EBF4: variants seen among roughly 807,000 people sequenced by gnomAD.
EBF4 encodes EBF transcription factor 4, also known as transcription factor COE4.
In EBF4, 34 loss-of-function variants were observed where a neutral mutation model predicts 67.1. That is an observed-to-expected ratio of 0.51 (90% CI 0.39 to 0.67). EBF4 has a LOEUF of 0.67. Among genes scored for constraint, EBF4 ranks in the 30% least tolerant of loss-of-function variants. The probability of loss-of-function intolerance (pLI) is 0.00; values close to 1 mark genes in which losing one functional copy is unlikely to be tolerated. For missense variants in EBF4, 837 were observed against 873.3 expected (o/e 0.96, Z 0.52); for synonymous variants, 387 against 377.7 (o/e 1.02, Z -0.29).
chr20:2,736,710 A>G (rs917948215), intron 6 of EBF4, among the ~76,000 whole-genome samples: 1 of 151,230 alleles, frequency 6.6e-6, no homozygotes, highest in Non-Finnish European at 1.5e-5. Context: ...ATTCCCCCCA[A>G]CCCCCACCAC....
chr20:2,729,794 A>G (rs898352194), intron 6 of EBF4, among the ~76,000 whole-genome samples: 2 of 152,334 alleles, frequency 1.3e-5, no homozygotes, highest in East Asian at 1.9e-4. Context: ...GTTACTATCT[A>G]TAGAGATTGT....
intron 6 of EBF4, among the ~76,000 whole-genome samples, chr20:2,715,907 C>T (rs2087602354): frequency 6.6e-6 from 1 of 152,082 alleles, no homozygotes; most frequent in African/African-American, 2.4e-5. Flanking sequence ...CGCCATCACA[C>T]CCTGTTAATT....
intron 5 of EBF4, 30 bp downstream of exon 5, chr20:2,708,050 C>T (rs1011048546): frequency 1.3e-6 from 2 of 1,586,968 alleles, no homozygotes; most frequent in Non-Finnish European, 1.7e-6. Context: ...CACACCTCAC[C>T]CCTCTGCCAA....
intron 14 of EBF4, among the ~76,000 whole-genome samples, chr20:2,754,887 T>C (rs1224628079): frequency 6.6e-6 from 1 of 151,586 alleles, no homozygotes; most frequent in Non-Finnish European, 1.5e-5. Flanking sequence ...GCTAGGGAGT[T>C]TGAGAGCAGG....
rs143207580 is a variant in EBF4 at position 2,735,470 on chromosome 20, T to C, written c.558-13079T>C. Among the ~76,000 whole-genome samples, 855 of 152,294 alleles carry C rather than the reference T, an allele frequency of 5.6e-3. 8 individuals are homozygous for C. The highest frequency in any genetic ancestry group is 0.019 in the African/African-American group (795 of 41,570). ...AATGTTCCTTGAGTTGTTGCACACA[T>C]GTTGTTAATTTTTAGAGTTCTGAGA... On this transcript the variant is annotated intron_variant, in intron 6 of 16. Coordinates refer to ENST00000609451, the Ensembl canonical transcript of EBF4.
chr20:2,740,084 G>A (rs1238896994), intron 6 of EBF4, among the ~76,000 whole-genome samples: 7 of 152,240 alleles, frequency 4.6e-5, no homozygotes, highest in African/African-American at 7.2e-5. Context: ...AGGCCAAGGC[G>A]GGTGGATCAC....
At position 2,755,934 on chromosome 20, in the gene EBF4, A is replaced by T; in HGVS notation, c.1738+110A>T. On this transcript the variant is annotated intron_variant, in intron 15 of 16. Coordinates refer to ENST00000609451, the Ensembl canonical transcript of EBF4. The surrounding 1 kb of genome is among the most constrained non-coding windows in gnomAD (Gnocchi z 4.7). ...TCTCACCAGTGCCTCATGCTGGCTA[A>T]CCTGCTCTTCTTGGAGGACGGAGAG... 2.7e-6 allele frequency: 3 copies of T among 1,118,218 alleles called. No homozygotes were observed. Among genetic ancestry groups the T allele is most frequent in the Non-Finnish European group, 3.7e-6 (3 of 803,412 alleles). 69.3% of individuals were successfully genotyped at this position (1,118,218 alleles called of 1,614,324 possible). A position where few individuals can be genotyped will look rare whatever the true frequency, so the allele number is the denominator to read the frequency against.
intron 6 of EBF4, among the ~76,000 whole-genome samples, chr20:2,744,519 T>C (rs1319883186): frequency 2.8e-5 from 3 of 109,014 alleles, no homozygotes; most frequent in Non-Finnish European, 5.2e-5. Flanking sequence ...TGAGACAGGG[T>C]CTCACTCTGT....
chr20:2,751,736 G>C lies in EBF4; in HGVS notation c.1055G>C (p.Arg352Thr). The C allele has an allele frequency of 6.4e-7, 1 of 1,550,960 alleles. No homozygotes were observed. The highest frequency in any genetic ancestry group is 2.4e-5 in the East Asian group (1 of 40,906). ...CCCACCATTGACTACGGATTCCAGAGGCTACAGAAAGTCATTCCCAGACAC... is the reference window on the plus strand; with the variant it reads ...CCCACCATTGACTACGGATTCCAGACGCTACAGAAAGTCATTCCCAGACAC... The change falls in exon 11 of 17, where the codon AGG (arginine) becomes ACG (threonine). Residue 352 changes from arginine to threonine, a missense_variant. Physicochemically the swap from Arg to Thr is moderately conservative, Grantham distance 71. Coordinates refer to ENST00000609451, the Ensembl canonical transcript of EBF4. This position sits in a 1 kb window ranked among gnomAD's most constrained non-coding sequence, Gnocchi z 5.2.
chr20:2,749,536 A>C lies in EBF4; in HGVS notation c.757+18A>C. ...CTCCGAAGGTCAGGACCCCCGGCCC[A>C]GCCCCGGCCGCCGCGGGCCCAGCCA... On this transcript the variant is annotated intron_variant, in intron 8 of 16. Coordinates refer to ENST00000609451, the Ensembl canonical transcript of EBF4. 1 of 1,541,344 alleles carries C rather than the reference A, an allele frequency of 6.5e-7. No homozygotes were observed. The highest frequency in any genetic ancestry group is 8.8e-7 in the Non-Finnish European group (1 of 1,142,298).
chr20:2,743,030 C>G (rs536218215), intron 6 of EBF4, among the ~76,000 whole-genome samples: 1 of 152,284 alleles, frequency 6.6e-6, no homozygotes, highest in East Asian at 1.9e-4. Context: ...CCCTCCAACT[C>G]CCCTGCCCAC....
intron 1 of EBF4, among the ~76,000 whole-genome samples, chr20:2,701,022 G>T (rs938171912): frequency 8.5e-5 from 13 of 152,346 alleles, no homozygotes; most frequent in African/African-American, 2.9e-4. Context: ...CCCCATGTGC[G>T]CTGCAGGGCT....
rs116885461 is a variant in EBF4, at chr20:2,705,731, C to T, written c.292C>T (p.Arg98Ter). Residue 98 changes from arginine to a stop codon, truncating the protein, a stop_gained and splice_region_variant, in exon 2 of 17, where the codon CGA becomes TGA. Coordinates refer to ENST00000609451, the Ensembl canonical transcript of EBF4. LOFTEE classifies it high-confidence loss of function. ...CTTCATCGACTTCGTGGAAAAGGAC[C>T]GAGTGAGAGGCTCATGGGCTTGGCT... 2 of 1,524,392 alleles carry T rather than the reference C, an allele frequency of 1.3e-6. No individual in the cohort carries two copies. Among genetic ancestry groups the T allele is most frequent in the East Asian group, 2.6e-5 (1 of 39,118 alleles). The allele number at this position is 1,524,392 out of a possible 1,614,324, so 94.4% of individuals were successfully genotyped here. A position where few individuals can be genotyped will look rare whatever the true frequency, so the allele number is the denominator to read the frequency against.
At chr20:2,732,841 A>T (rs1479550090) in intron 6 of EBF4, among the ~76,000 whole-genome samples, 1 of 149,716 alleles carries the variant, frequency 6.7e-6, no homozygotes, top group Non-Finnish European at 1.5e-5. Context: ...TTGAGACGGA[A>T]TTATAAAGAG....
intron 6 of EBF4, among the ~76,000 whole-genome samples, chr20:2,723,489 T>G (rs1350527952): frequency 7.0e-6 from 1 of 143,692 alleles, no homozygotes; most frequent in African/African-American, 2.8e-5. Context: ...TAGCTGGGAC[T>G]ACAGGCGCCG....
At chr20:2,727,850 A>G (rs2087765546) in intron 6 of EBF4, among the ~76,000 whole-genome samples, 1 of 152,178 alleles carries the variant, frequency 6.6e-6, no homozygotes, top group African/African-American at 2.4e-5. Context: ...CCATTTGTAC[A>G]TGCTCTTTGG....
rs2087512970 is a variant in EBF4 at position 2,709,655 on chromosome 20, G to A, written c.557+13G>A. ...TCATCATTGACAGGTACAGGCTCAG[G>A]GAGGGGGCCTGGAAGCTCAGAGGAG... On this transcript the variant is annotated intron_variant, in intron 6 of 16. Transcript: ENST00000609451. 6.5e-7 allele frequency: 1 copy of A among 1,533,724 alleles called. No homozygotes were observed. Among genetic ancestry groups the A allele is most frequent in the Non-Finnish European group, 8.8e-7 (1 of 1,135,672 alleles).
rs531195438 is a variant in EBF4, at chr20:2,696,903, T to C, written c.137+3121T>C. On this transcript the variant is annotated intron_variant, in intron 1 of 16. Transcript: ENST00000609451. The surrounding 1 kb of genome is among the most constrained non-coding windows in gnomAD (Gnocchi z 4.7). The stretch of plus-strand genomic sequence containing the variant: ...TGCCCTGCCAGCTGGGGCCTTCCCC[T>C]AAGGCAAGGGTAGCGGTCCGTTCAT... 3.3e-5 allele frequency among the ~76,000 whole-genome samples: 5 copies of C among 152,214 alleles called. No homozygotes were observed. Among genetic ancestry groups the C allele is most frequent in the Admixed American group, 6.5e-5 (1 of 15,292 alleles).
At chr20:2,697,661 A>G (rs561897349) in intron 1 of EBF4, among the ~76,000 whole-genome samples, 67 of 152,186 alleles carry the variant, frequency 4.4e-4, no homozygotes, top group African/African-American at 1.4e-3. Context: ...CTCCCTACCA[A>G]TGTCTTCCTA....
Sources: gnomAD v4.1 joint callset for allele counts (sites outside exome capture counted in the v4.1 genomes callset) on GRCh38, gnomAD v4.1.1 for gene constraint, Gnocchi (gnomAD v3.1) non-coding constraint, MANE v1.5 for transcripts, NCBI Gene and HGNC (gene_info 2026-07-23, HGNC 2026-07-21) for gene names.